CDS2: variants seen among roughly 807,000 people sequenced by gnomAD.
CDS2 encodes the protein CDP-diacylglycerol synthase 2, also known as phosphatidate cytidylyltransferase 2.
In CDS2, 47 loss-of-function variants were observed where a neutral mutation model predicts 59.0. That is an observed-to-expected ratio of 0.80 (90% CI 0.63 to 1.02). The LOEUF (loss-of-function observed/expected upper bound fraction) is 1.02. Among genes scored for constraint, CDS2 ranks in the 50% least tolerant of loss-of-function variants. The pLI, the probability that CDS2 is intolerant of heterozygous loss-of-function variation, is 0.00. For synonymous variants in CDS2, 207 were observed against 206.4 expected (o/e 1.00, Z -0.02); for missense variants, 356 against 558.9 (o/e 0.64, Z 3.66).
intron 1 of CDS2, among the ~76,000 whole-genome samples, chr20:5,172,873 T>C (rs2090966642): frequency 6.6e-6 from 1 of 152,158 alleles, no homozygotes; most frequent in Non-Finnish European, 1.5e-5. Flanking sequence ...CTGGCATGGC[T>C]CTGGTTCCCT....
In CDS2 at chr20:5,127,028, GC is replaced by G. The variant is rs1328138077; in HGVS notation, c.-63del. 3.5e-6 allele frequency: 5 copies of G among 1,439,162 alleles called. No individual in the cohort carries two copies. In the African/African-American group the frequency reaches 7.4e-5, roughly 21 times the overall value. The allele number at this position is 1,439,162 out of a possible 1,614,324, so 89.1% of individuals were successfully genotyped here. On this transcript the variant is annotated 5_prime_UTR_variant, in exon 1 of 13. Transcript: ENST00000460006. Reference sequence around the variant, plus strand: ...GCCGTGGGAGTCCGCGCGTGCCCGCGCCGAGCTGCCTGCTCCGGCGGCTTCG... The same window carrying G: ...GCCGTGGGAGTCCGCGCGTGCCCGCGCGAGCTGCCTGCTCCGGCGGCTTCG...
intron 1 of CDS2, among the ~76,000 whole-genome samples, chr20:5,138,394 G>T (rs938286250): frequency 6.6e-6 from 1 of 152,138 alleles, no homozygotes; most frequent in Admixed American, 6.5e-5. Context: ...TGTGGAAAAT[G>T]AGTTGACTGT....
chr20:5,177,075 T>C (rs936371264), intron 4 of CDS2, among the ~76,000 whole-genome samples: 1 of 152,156 alleles, frequency 6.6e-6, no homozygotes, highest in Non-Finnish European at 1.5e-5. Context: ...AGGAGTCTTA[T>C]AGTTACTTGA....
chr20:5,160,919 T>A (rs996205380), intron 1 of CDS2, among the ~76,000 whole-genome samples: 1 of 152,264 alleles, frequency 6.6e-6, no homozygotes, highest in Non-Finnish European at 1.5e-5. Flanking sequence ...TATGCCACTG[T>A]ATATGTATAC....
At chr20:5,139,067 C>T (rs117873035) in intron 1 of CDS2, among the ~76,000 whole-genome samples, 3,802 of 152,236 alleles carry the variant, frequency 0.025, 66 homozygotes, top group East Asian at 0.079. Flanking sequence ...ACAGGCTGGG[C>T]GTGGTGGCTC....
chr20:5,154,639 T>TTTG (rs1568533814), intron 1 of CDS2, among the ~76,000 whole-genome samples: 2 of 152,026 alleles, frequency 1.3e-5, no homozygotes, highest in Non-Finnish European at 2.9e-5. Flanking sequence ...ACAGATGTCT[T>TTTG]TTTGTTTGTT....
At chr20:5,130,628 A>G (rs946821276) in intron 1 of CDS2, among the ~76,000 whole-genome samples, 1 of 151,944 alleles carries the variant, frequency 6.6e-6, no homozygotes, top group African/African-American at 2.4e-5. Flanking sequence ...TACTAAAAAT[A>G]CAAAATTAGC....
chr20:5,160,718 A>T (rs1231702891), intron 1 of CDS2, among the ~76,000 whole-genome samples: 1 of 150,542 alleles, frequency 6.6e-6, no homozygotes, highest in East Asian at 1.9e-4. Context: ...CTCCCCTCTC[A>T]CTCCCCCAGC....
chr20:5,167,929 A>T (rs1375879644), intron 1 of CDS2, among the ~76,000 whole-genome samples: 1 of 152,258 alleles, frequency 6.6e-6, no homozygotes, highest in Non-Finnish European at 1.5e-5. Context: ...TTGGAGGCAT[A>T]ACCCACCAGT....
In CDS2 at chr20:5,197,610, G is replaced by A. The variant is rs995357791; in HGVS notation, c.*7376G>A. 6.6e-6 allele frequency: 1 copy of A among 152,118 alleles called. No individual in the cohort carries two copies. Among genetic ancestry groups the A allele is most frequent in the Non-Finnish European group, 1.5e-5 (1 of 68,024 alleles). The allele number at this position is 152,118 out of a possible 1,614,324, so 9.4% of individuals were successfully genotyped here. A position where few individuals can be genotyped will look rare whatever the true frequency, so the allele number is the denominator to read the frequency against. The stretch of plus-strand genomic sequence containing the variant: ...CCCGCACTCAGACACAGGCGACCTT[G>A]AAGCAGTTCTCGGTGTGTAGAGTCC... On this transcript the variant is annotated 3_prime_UTR_variant, in exon 13 of 13. Transcript: ENST00000460006.
At chr20:5,167,079 T>C (rs1230179743) in intron 1 of CDS2, among the ~76,000 whole-genome samples, 2 of 152,190 alleles carry the variant, frequency 1.3e-5, no homozygotes, top group Non-Finnish European at 2.9e-5. Flanking sequence ...CATGGCTGAC[T>C]CCGAGTGTGG....
intron 1 of CDS2, among the ~76,000 whole-genome samples, chr20:5,163,787 CTTTCTTTTTTTT>C (rs2090893456): frequency 8.6e-6 from 1 of 115,896 alleles, no homozygotes; most frequent in African/African-American, 3.4e-5. Context: ...TAATTTCTTT[CTTTCTTTTTTTT>C]TTTTTTTTTG....
At position 5,175,161 on chromosome 20, in the gene CDS2, C is replaced by T. The variant is rs759081829; in HGVS notation, c.195-22C>T. 2.5e-6 allele frequency: 4 copies of T among 1,588,898 alleles called. No homozygotes were observed. In the South Asian group the frequency reaches 3.3e-5, roughly 13 times the overall value. The stretch of plus-strand genomic sequence containing the variant: ...CTGGGCTCCTAACTGGTGTTTTCTC[C>T]TTCCCCTGCTCTCTGACCTAGATGG... On this transcript the variant is annotated intron_variant, in intron 2 of 12. Transcript: ENST00000460006.
chr20:5,185,418 G>A (rs1469825491), intron 8 of CDS2, among the ~76,000 whole-genome samples: 3 of 152,088 alleles, frequency 2.0e-5, no homozygotes, highest in African/African-American at 7.2e-5. Flanking sequence ...GGGCAAGATC[G>A]TGTCTTGAAA....
chr20:5,129,230 A>G (rs972447171), intron 1 of CDS2, among the ~76,000 whole-genome samples: 8 of 152,140 alleles, frequency 5.3e-5, no homozygotes, highest in Non-Finnish European at 2.9e-5. Context: ...TCCTCACCCC[A>G]TTATTCAGAA....
chr20:5,184,633 C>G lies in CDS2; in HGVS notation c.672-225C>G, dbSNP rs934349601. Among the ~76,000 whole-genome samples the G allele has an allele frequency of 1.3e-5, 2 of 152,272 alleles. No homozygotes were observed. The highest frequency in any genetic ancestry group is 1.9e-4 in the East Asian group (1 of 5,182). ...GACAGATGACCTTTTAGTTTGCAAC[C>G]TCCACTTATTCAGTAGTCATTCAGT... On this transcript the variant is annotated intron_variant, in intron 7 of 12. Coordinates refer to ENST00000460006, the MANE Select transcript of CDS2 (RefSeq NM_003818.4). The surrounding 1 kb of genome is among the most constrained non-coding windows in gnomAD (Gnocchi z 4.3).
chr20:5,185,186 T>A (rs2091058646), intron 8 of CDS2, among the ~76,000 whole-genome samples: 1 of 151,748 alleles, frequency 6.6e-6, no homozygotes, highest in African/African-American at 2.4e-5. Flanking sequence ...TATGGGATGC[T>A]GAGGCAGGAG....
intron 1 of CDS2, among the ~76,000 whole-genome samples, chr20:5,148,955 A>G (rs1203563307): frequency 1.3e-5 from 2 of 152,110 alleles, no homozygotes; most frequent in Middle Eastern, 3.2e-3. Context: ...AAAACTTACC[A>G]AGGACTGTTT....
intron 1 of CDS2, among the ~76,000 whole-genome samples, chr20:5,168,408 C>T (rs2090928715): frequency 7.3e-6 from 1 of 136,684 alleles, no homozygotes; most frequent in South Asian, 2.4e-4. Flanking sequence ...GAGCAAGACT[C>T]TGTCCCCCCA....
Sources: allele counts gnomAD v4.1 joint callset (sites outside exome capture counted in the v4.1 genomes callset), GRCh38; gene constraint gnomAD v4.1.1; non-coding constraint Gnocchi (gnomAD v3.1); transcripts MANE v1.5; gene names NCBI Gene and HGNC (gene_info 2026-07-23, HGNC 2026-07-21).